Variants in UMAD1 observed in about 807,000 individuals in gnomAD.
The protein encoded by UMAD1 is UBAP1-MVB12-associated (UMA) domain containing 1.
UMAD1 carries 8 observed loss-of-function variants against 6.1 expected under a neutral mutation model. The observed-to-expected ratio is 1.30, with a 90% confidence interval of 0.76 to 2.35. UMAD1 has a LOEUF of 2.35. Ranked by LOEUF, UMAD1 falls within the 30% of genes most tolerant of loss-of-function variation. The pLI is 0.00. For missense variants in UMAD1, 130 were observed against 78.4 expected (o/e 1.66, Z -2.49); for synonymous variants, 56 against 31.4 (o/e 1.78, Z -2.61).
intron 3 of UMAD1, among the ~76,000 whole-genome samples, chr7:7,856,276 TAAAGA>T (rs1240022818): frequency 6.6e-6 from 1 of 152,206 alleles, no homozygotes; most frequent in African/African-American, 2.4e-5. Flanking sequence ...GCGTAATTAA[TAAAGA>T]AAAGAGGTTT....
intron 2 of UMAD1, among the ~76,000 whole-genome samples, chr7:7,709,167 T>C (rs1780685558): frequency 6.6e-6 from 1 of 152,226 alleles, no homozygotes; most frequent in Non-Finnish European, 1.5e-5. Flanking sequence ...TTATTAGTTG[T>C]TTGAAATTGA....
intron 2 of UMAD1, among the ~76,000 whole-genome samples, chr7:7,689,741 A>G (rs1017808897): frequency 2.6e-5 from 4 of 152,168 alleles, no homozygotes; most frequent in Non-Finnish European, 2.9e-5. Context: ...CTGGAGTTCA[A>G]TTTTAAATGA....
chr7:7,846,331 C>G (rs1042155757), intron 3 of UMAD1, among the ~76,000 whole-genome samples: 2 of 152,118 alleles, frequency 1.3e-5, no homozygotes, highest in Non-Finnish European at 2.9e-5. Context: ...TTCTCCTGTT[C>G]CCTAGAAATC....
intron 2 of UMAD1, chr7:7,738,919 A>G (rs1314220932): frequency 6.6e-6 from 1 of 152,212 alleles, no homozygotes; most frequent in Non-Finnish European, 1.5e-5. Flanking sequence ...TTCAGCTGAG[A>G]CATAGGTAGG....
chr7:7,660,543 T>G (rs1271769853), intron 1 of UMAD1, among the ~76,000 whole-genome samples: 1 of 152,248 alleles, frequency 6.6e-6, no homozygotes, highest in East Asian at 1.9e-4. Flanking sequence ...AAGGATTTTA[T>G]TTCTCATTTG....
At chr7:7,802,735 T>G (rs1324572890) in intron 3 of UMAD1, among the ~76,000 whole-genome samples, 6 of 152,070 alleles carry the variant, frequency 3.9e-5, no homozygotes. Flanking sequence ...TAGAGGGAGG[T>G]CAGAGACCTG....
intron 3 of UMAD1, among the ~76,000 whole-genome samples, chr7:7,867,564 A>T (rs1784257041): frequency 1.3e-5 from 2 of 152,224 alleles, no homozygotes; most frequent in South Asian, 4.1e-4. Context: ...ATTTCAGATT[A>T]GCACTTCCAA....
chr7:7,656,391 C>T (rs189191172), intron 1 of UMAD1, among the ~76,000 whole-genome samples: 156 of 152,074 alleles, frequency 1.0e-3, no homozygotes, highest in African/African-American at 3.4e-3. Flanking sequence ...TAGGTATACA[C>T]GTGCCATGGT....
chr7:7,876,958 G>A (rs1354109694), intron 3 of UMAD1, among the ~76,000 whole-genome samples: 2 of 152,208 alleles, frequency 1.3e-5, no homozygotes, highest in Non-Finnish European at 2.9e-5. Context: ...GAATTTAGCA[G>A]AGCCTGAAAA....
At chr7:7,769,160 GCTCCAGATA>G (rs1286697471) in intron 2 of UMAD1, among the ~76,000 whole-genome samples, 3 of 152,160 alleles carry the variant, frequency 2.0e-5, no homozygotes, top group Admixed American at 1.3e-4. Context: ...GTCAAGCTGA[GCTCCAGATA>G]CTCATTTGTC....
At chr7:7,714,754 A>C (rs1433040346) in intron 2 of UMAD1, among the ~76,000 whole-genome samples, 1 of 152,168 alleles carries the variant, frequency 6.6e-6, no homozygotes, top group Non-Finnish European at 1.5e-5. Context: ...AAAGCAAGTA[A>C]CAGGTTGGAA....
At chr7:7,819,084 A>C (rs1370916172) in intron 3 of UMAD1, among the ~76,000 whole-genome samples, 2 of 152,276 alleles carry the variant, frequency 1.3e-5, no homozygotes, top group Non-Finnish European at 2.9e-5. Flanking sequence ...TCCTGACCCC[A>C]GGTGATCCAC....
rs984309706 is a variant in UMAD1 at position 7,814,756 on chromosome 7, G to A, written c.156+13013G>A. Reference sequence around the variant, plus strand: ...AAATCATACATAGGGGTTTGACTGCGAGAACGTGTGTGACATTGAGTACCT... The same window carrying A: ...AAATCATACATAGGGGTTTGACTGCAAGAACGTGTGTGACATTGAGTACCT... On this transcript the variant is annotated intron_variant, in intron 3 of 3. Transcript: ENST00000682710. Among the ~76,000 whole-genome samples, 9 of 152,030 alleles carry A rather than the reference G, an allele frequency of 5.9e-5. No individual in the cohort carries two copies. In the East Asian group the frequency reaches 7.7e-4, roughly 13 times the overall value.
chr7:7,663,303 A>T (rs13223996), intron 1 of UMAD1, among the ~76,000 whole-genome samples: 1 of 76,314 alleles, frequency 1.3e-5, no homozygotes, highest in Non-Finnish European at 2.8e-5. Flanking sequence ...TTTTTCTTTC[A>T]TTTTTTAAAA....
At position 7,866,136 on chromosome 7, in the gene UMAD1, G is replaced by A. The variant is rs568266966; in HGVS notation, c.157-11145G>A. Among the ~76,000 whole-genome samples the A allele has an allele frequency of 7.2e-5, 11 of 152,266 alleles. No individual in the cohort carries two copies. The South Asian group carries it at 2.3e-3, about 32-fold the overall frequency. On this transcript the variant is annotated intron_variant, in intron 3 of 3. Transcript: ENST00000682710. The stretch of plus-strand genomic sequence containing the variant: ...ACAAAGAAACAAATGCAGGAATTGA[G>A]GGCCAACATCCTAATTCCTAACTTA...
rs1365528202 is a variant in UMAD1, at chr7:7,847,101, AAAAATATATATATATATAT to A, written c.157-30178_157-30160del. ...AGACAGCAATGCAAAAAAAAAAAAA[AAAAATATATATATATATAT>A]ATATATATATATATATATATATATA... On this transcript the variant is annotated intron_variant, in intron 3 of 3. Transcript: ENST00000682710. 7.1e-4 allele frequency among the ~76,000 whole-genome samples: 23 copies of A among 32,180 alleles called. 2 individuals are homozygous for A. Among genetic ancestry groups the A allele is most frequent in the African/African-American group, 3.6e-3 (15 of 4,118 alleles). The allele number at this position is 32,180 out of a possible 152,430, so 21.1% of individuals were successfully genotyped here.
chr7:7,679,924 A>G (rs1334021995), intron 2 of UMAD1, among the ~76,000 whole-genome samples: 2 of 151,800 alleles, frequency 1.3e-5, no homozygotes, highest in African/African-American at 4.8e-5. Flanking sequence ...AGTTCCTTAT[A>G]TATACTGATT....
chr7:7,694,607 T>C (rs1780263453), intron 2 of UMAD1, among the ~76,000 whole-genome samples: 1 of 152,146 alleles, frequency 6.6e-6, no homozygotes, highest in Non-Finnish European at 1.5e-5. Flanking sequence ...ATTTTAATTT[T>C]TAGTTCCCAC....
rs1291908397 is a variant in UMAD1 at position 7,693,678 on chromosome 7, T to G, written c.82+20225T>G. ...TTAGTGGATTGCACAAATTTATGCC[T>G]TGTTTATTTTATAATGACTTTATTA... is the stretch of plus-strand genomic sequence containing the variant. On this transcript the variant is annotated intron_variant, in intron 2 of 3. Coordinates refer to ENST00000682710, the MANE Select transcript of UMAD1 (RefSeq NM_001302348.2). 3.3e-5 allele frequency among the ~76,000 whole-genome samples: 5 copies of G among 152,176 alleles called. No individual in the cohort carries two copies. The South Asian group carries it at 1.0e-3, about 31-fold the overall frequency.
Sources: allele counts gnomAD v4.1 joint callset (sites outside exome capture counted in the v4.1 genomes callset), GRCh38; gene constraint gnomAD v4.1.1; transcripts MANE v1.5; gene names NCBI Gene and HGNC (gene_info 2026-07-23, HGNC 2026-07-21).